EXT1: variants seen among roughly 807,000 people sequenced by gnomAD.
EXT1 encodes the protein exostosin glycosyltransferase 1.
In EXT1, 20 loss-of-function variants were observed where a neutral mutation model predicts 82.5. That is an observed-to-expected ratio of 0.24 (90% CI 0.17 to 0.35). The LOEUF is 0.35. Ranked by LOEUF, EXT1 falls within the 10% of genes least tolerant of loss-of-function variation. The pLI, the probability that EXT1 is intolerant of heterozygous loss-of-function variation, is 1.00. For synonymous variants in EXT1, 348 were observed against 350.8 expected, an observed-to-expected ratio of 0.99 and a Z score of 0.09; for missense variants, 757 against 936.5, an observed-to-expected ratio of 0.81 and a Z score of 2.50.
intron 1 of EXT1, among the ~76,000 whole-genome samples, chr8:118,031,392 G>T (rs1389695755): frequency 6.6e-6 from 1 of 151,888 alleles, no homozygotes; most frequent in Non-Finnish European, 1.5e-5. Flanking sequence ...AGGCGTGGTG[G>T]CCCGCACCTG....
intron 1 of EXT1, among the ~76,000 whole-genome samples, chr8:117,901,300 G>C (rs1304875653): frequency 6.6e-6 from 1 of 152,114 alleles, no homozygotes. Context: ...ATTACTATGG[G>C]CAGTTGTAAC....
At chr8:118,072,777 GC>G (rs1817119999) in intron 1 of EXT1, among the ~76,000 whole-genome samples, 1 of 152,144 alleles carries the variant, frequency 6.6e-6, no homozygotes, top group African/African-American at 2.4e-5. Flanking sequence ...TGGGATTTTA[GC>G]TAGGCATTTA....
At chr8:118,043,173 A>G (rs1816562397) in intron 1 of EXT1, among the ~76,000 whole-genome samples, 1 of 152,210 alleles carries the variant, frequency 6.6e-6, no homozygotes. Context: ...TCATGAATAA[A>G]TAAATCCCCT....
chr8:118,025,162 A>AT (rs1405422397), intron 1 of EXT1, among the ~76,000 whole-genome samples: 1 of 152,182 alleles, frequency 6.6e-6, no homozygotes, highest in Non-Finnish European at 1.5e-5. Flanking sequence ...GTCATTTGCT[A>AT]TAAGAAGTTT....
chr8:118,028,873 G>A (rs1695437149), intron 1 of EXT1, among the ~76,000 whole-genome samples: 1 of 152,086 alleles, frequency 6.6e-6, no homozygotes, highest in Non-Finnish European at 1.5e-5. Context: ...ACTGAGCCAA[G>A]ATCGCGCCAT....
chr8:117,799,523 A>G lies in EXT1; in HGVS notation c.*189T>C. On this transcript the variant is annotated 3_prime_UTR_variant, in exon 11 of 11. Transcript: ENST00000378204. ...GAAGCCAGTGAGGTGAGTTTGGAGC[A>G]GTCTGGTGCAGTCCCAGGAGCCAGG... 1.6e-6 allele frequency: 1 copy of G among 624,842 alleles called. No homozygotes were observed. The highest frequency in any genetic ancestry group is 2.8e-6 in the Non-Finnish European group (1 of 356,108). 38.7% of individuals were successfully genotyped at this position (624,842 alleles called of 1,614,324 possible). A position where few individuals can be genotyped will look rare whatever the true frequency, so the allele number is the denominator to read the frequency against.
intron 1 of EXT1, among the ~76,000 whole-genome samples, chr8:117,998,375 T>A (rs1299675425): frequency 6.6e-6 from 1 of 152,110 alleles, no homozygotes; most frequent in Non-Finnish European, 1.5e-5. Flanking sequence ...AGTGGCACAA[T>A]CATAGCTCAC....
chr8:118,035,084 G>A (rs1237503075), intron 1 of EXT1, among the ~76,000 whole-genome samples: 2 of 152,250 alleles, frequency 1.3e-5, no homozygotes, highest in Non-Finnish European at 2.9e-5. Flanking sequence ...AACAGAAACA[G>A]AGCAAGAGGA....
intron 1 of EXT1, among the ~76,000 whole-genome samples, chr8:117,990,777 A>G (rs1291448647): frequency 6.6e-6 from 1 of 152,192 alleles, no homozygotes; most frequent in Non-Finnish European, 1.5e-5. Context: ...CCCAGTTTGC[A>G]TCGTTCTAGG....
chr8:117,921,889 C>A (rs1049355767), intron 1 of EXT1, among the ~76,000 whole-genome samples: 2 of 152,098 alleles, frequency 1.3e-5, no homozygotes, highest in African/African-American at 4.8e-5. Context: ...AACATTTTTT[C>A]ATCTGCCTGG....
intron 1 of EXT1, among the ~76,000 whole-genome samples, chr8:117,972,032 C>T (rs1170344157): frequency 6.6e-6 from 1 of 151,958 alleles, no homozygotes; most frequent in Non-Finnish European, 1.5e-5. Flanking sequence ...TGCCTCTAAT[C>T]CCAGCTACTC....
Position 117,799,564 on chromosome 8 carries a change from G to C in EXT1, c.*148C>G, listed in dbSNP as rs931212857. The C allele has an allele frequency of 1.5e-5, 13 of 875,952 alleles. No individual in the cohort carries two copies. The highest frequency in any genetic ancestry group is 2.7e-4 in the Middle Eastern group (1 of 3,646). The allele number at this position is 875,952 out of a possible 1,614,324, so 54.3% of individuals were successfully genotyped here. Reference sequence around the variant, plus strand: ...AGGAGCCAGGAGTTGAGTTCTCATTGGCCTTTTTTTTTTTGTCATTCTGCT... The same window carrying C: ...AGGAGCCAGGAGTTGAGTTCTCATTCGCCTTTTTTTTTTTGTCATTCTGCT... On this transcript the variant is annotated 3_prime_UTR_variant, in exon 11 of 11. Coordinates refer to ENST00000378204, the MANE Select transcript of EXT1 (RefSeq NM_000127.3).
chr8:118,026,566 T>C (rs1044839775), intron 1 of EXT1, among the ~76,000 whole-genome samples: 10 of 151,974 alleles, frequency 6.6e-5, no homozygotes, highest in Admixed American at 5.2e-4. Context: ...ATCTGGGGTA[T>C]GACCTACGCT....
rs148922894 is a variant in EXT1 at position 117,822,523 on chromosome 8, G to A, written c.1359C>T (p.Phe453=). Residue 453 remains phenylalanine, a synonymous_variant, in exon 5 of 11, where the codon TTC becomes TTT. Coordinates refer to ENST00000378204, the MANE Select transcript of EXT1 (RefSeq NM_000127.3). ...LIWNKHPGGL[F]VLPQYSSYLG... ...GATAAGATGAATACTGTGGTAGTAC[G>A]AACAATCCTCCAGGATGTTTGTTCC... The A allele has an allele frequency of 8.0e-4, 1,294 of 1,613,122 alleles. 4 individuals are homozygous for A. The highest frequency in any genetic ancestry group is 1.0e-3 in the Non-Finnish European group (1,233 of 1,179,562).
At chr8:117,904,625 C>T (rs1379084654) in intron 1 of EXT1, among the ~76,000 whole-genome samples, 1 of 152,130 alleles carries the variant, frequency 6.6e-6, no homozygotes, top group Non-Finnish European at 1.5e-5. Context: ...GTCACTCTTA[C>T]ATTTACCCTC....
rs192582341 is a variant in EXT1, at chr8:118,050,054, G to A, written c.962+60031C>T. On this transcript the variant is annotated intron_variant, in intron 1 of 10. Coordinates refer to ENST00000378204, the MANE Select transcript of EXT1 (RefSeq NM_000127.3). ...AATTCTATATACCCATTCACCTTAAGGTAAAATGACATTTCACAGGGCTAA... is the reference window on the plus strand; with the variant it reads ...AATTCTATATACCCATTCACCTTAAAGTAAAATGACATTTCACAGGGCTAA... 3.5e-4 allele frequency among the ~76,000 whole-genome samples: 53 copies of A among 152,126 alleles called. 1 individual carries two copies. The highest frequency in any genetic ancestry group is 3.4e-3 in the Middle Eastern group (1 of 294).
At chr8:117,930,939 T>C (rs918294494) in intron 1 of EXT1, among the ~76,000 whole-genome samples, 8 of 152,218 alleles carry the variant, frequency 5.3e-5, no homozygotes, top group Non-Finnish European at 1.2e-4. Context: ...TGTATTGCAT[T>C]AGCATGCTAA....
chr8:117,967,147 CT>C (rs879382081), intron 1 of EXT1, among the ~76,000 whole-genome samples: 1 of 152,124 alleles, frequency 6.6e-6, no homozygotes, highest in Non-Finnish European at 1.5e-5. Context: ...ACAAATAATC[CT>C]TTGAAGAATC....
intron 1 of EXT1, among the ~76,000 whole-genome samples, chr8:117,934,985 T>C (rs188882042): frequency 9.9e-5 from 15 of 152,266 alleles, no homozygotes; most frequent in Admixed American, 5.2e-4. Flanking sequence ...GCTTAAACAG[T>C]GTCATAAGAA....
Sources: gnomAD v4.1 joint callset for allele counts (sites outside exome capture counted in the v4.1 genomes callset) on GRCh38, gnomAD v4.1.1 for gene constraint, MANE v1.5 for transcripts, NCBI Gene and HGNC (gene_info 2026-07-23, HGNC 2026-07-21) for gene names.